SASH1: variants seen among roughly 807,000 people sequenced by gnomAD.
SASH1 encodes the protein SAM and SH3 domain containing 1.
In SASH1, 44 loss-of-function variants were observed where a neutral mutation model predicts 125.2. The ratio of observed to expected loss-of-function variants is 0.35; its 90% CI spans 0.28 to 0.45. SASH1 has a LOEUF of 0.45. Ranked by LOEUF, SASH1 falls within the 20% of genes least tolerant of loss-of-function variation. SASH1 has a pLI of 1.00. For missense variants in SASH1, 1,426 were observed against 1,614.5 expected (o/e 0.88, Z 2.00); for synonymous variants, 639 against 649.1 (o/e 0.98, Z 0.24).
intron 4 of SASH1, among the ~76,000 whole-genome samples, chr6:148,444,869 G>A (rs568742873): frequency 7.2e-5 from 11 of 152,296 alleles, no homozygotes; most frequent in African/African-American, 1.7e-4. Context: ...TGGGCTGCTC[G>A]ACTGAATAGA....
chr6:148,414,387 A>G (rs928322802), intron 2 of SASH1, among the ~76,000 whole-genome samples: 2 of 152,080 alleles, frequency 1.3e-5, no homozygotes, highest in Non-Finnish European at 2.9e-5. Context: ...GGAAGGTGGT[A>G]GACTGGGGTA....
intron 16 of SASH1, among the ~76,000 whole-genome samples, chr6:148,536,639 CA>C (rs1489536512): frequency 6.6e-6 from 1 of 152,240 alleles, no homozygotes; most frequent in African/African-American, 2.4e-5. Context: ...TGCATCCAAC[CA>C]ACAGCTGGTT....
At chr6:148,449,482 G>A (rs1776988681) in intron 4 of SASH1, among the ~76,000 whole-genome samples, 1 of 151,442 alleles carries the variant, frequency 6.6e-6, no homozygotes, top group African/African-American at 2.4e-5. Flanking sequence ...CCACCCATTG[G>A]GTTTAAGTGA....
chr6:148,360,637 C>CCCA (rs1782158230), intron 1 of SASH1, among the ~76,000 whole-genome samples: 1 of 18,822 alleles, frequency 5.3e-5, no homozygotes, highest in South Asian at 3.5e-3. Flanking sequence ...GCGTGAGCCA[C>CCCA]CCCCCCGCCA....
intron 8 of SASH1, chr6:148,512,547 A>G (rs1780208230): frequency 2.0e-6 from 2 of 985,318 alleles, no homozygotes; most frequent in South Asian, 9.4e-5. Context: ...ATTTCATCAC[A>G]TGTCAACAAT....
At position 148,525,275 on chromosome 6, in the gene SASH1, A is replaced by G; in HGVS notation, c.1210-16A>G. 1.2e-6 allele frequency: 2 copies of G among 1,612,148 alleles called. No individual in the cohort carries two copies. The highest frequency in any genetic ancestry group is 1.7e-6 in the Non-Finnish European group (2 of 1,178,262). On this transcript the variant is annotated splice_polypyrimidine_tract_variant and intron_variant, in intron 10 of 19. Coordinates refer to ENST00000367467, the MANE Select transcript of SASH1 (RefSeq NM_015278.5). Reference sequence around the variant, plus strand: ...AGCATAACTGAAGTTTTTCTGCCCTACCCTCTTTTCCACAGAGAACCTGCA... The same window carrying G: ...AGCATAACTGAAGTTTTTCTGCCCTGCCCTCTTTTCCACAGAGAACCTGCA...
intron 2 of SASH1, among the ~76,000 whole-genome samples, chr6:148,419,856 G>A (rs868279833): frequency 7.2e-5 from 11 of 152,282 alleles, no homozygotes; most frequent in Admixed American, 3.9e-4. Flanking sequence ...CACCCTGGTG[G>A]TATTTAGCTG....
At chr6:148,370,555 G>A (rs1396290884) in intron 1 of SASH1, among the ~76,000 whole-genome samples, 1 of 152,106 alleles carries the variant, frequency 6.6e-6, no homozygotes, top group Non-Finnish European at 1.5e-5. Context: ...CAGGTGCGGT[G>A]GCTCACGCCT....
chr6:148,291,751 G>T (rs1415529855), intron 1 of SASH1, among the ~76,000 whole-genome samples: 1 of 151,974 alleles, frequency 6.6e-6, no homozygotes, highest in Non-Finnish European at 1.5e-5. Context: ...AAGAAATGCT[G>T]TTTTAAGTCA....
intron 8 of SASH1, chr6:148,508,873 A>AG: frequency 1.6e-6 from 2 of 1,286,460 alleles, no homozygotes; most frequent in Non-Finnish European, 2.0e-6. Flanking sequence ...TAAATGCCGA[A>AG]GCCGGTAAGT....
chr6:148,330,975 T>C (rs575771692), intron 1 of SASH1, among the ~76,000 whole-genome samples: 3 of 152,310 alleles, frequency 2.0e-5, no homozygotes, highest in Admixed American at 1.3e-4. Flanking sequence ...TTTCCTTTTT[T>C]TCTTCTCCTA....
chr6:148,285,994 A>G (rs1582916887), intron 1 of SASH1, among the ~76,000 whole-genome samples: 2 of 152,294 alleles, frequency 1.3e-5, no homozygotes, highest in East Asian at 3.9e-4. Context: ...TAGTCAATGG[A>G]TGTTAACTTT....
At chr6:148,205,090 T>C in the SASH1 span, among the ~76,000 whole-genome samples, 1 of 152,214 alleles carries the variant, frequency 6.6e-6, no homozygotes, top group Non-Finnish European at 1.5e-5. Flanking sequence ...AGCAGTCATT[T>C]GTCTTTTCAG....
intron 1 of SASH1, among the ~76,000 whole-genome samples, chr6:148,276,630 G>C (rs1383256955): frequency 1.3e-5 from 2 of 152,214 alleles, no homozygotes; most frequent in African/African-American, 4.8e-5. Context: ...GCAGGTAGTA[G>C]CAAAGGGAGA....
intron 1 of SASH1, among the ~76,000 whole-genome samples, chr6:148,331,142 G>A (rs370825971): frequency 6.6e-6 from 1 of 152,180 alleles, no homozygotes. Flanking sequence ...TGATCCTCAT[G>A]GGCATCTGTA....
chr6:148,242,147 C>T, the SASH1 span, among the ~76,000 whole-genome samples: 7 of 152,174 alleles, frequency 4.6e-5, no homozygotes, highest in East Asian at 3.8e-4. Context: ...CAGTCTCTTG[C>T]TATTTACATG....
At chr6:148,341,416 G>A (rs1216868514), upstream of SASH1, among the ~76,000 whole-genome samples, 4 of 145,502 alleles carry the variant, frequency 2.7e-5, no homozygotes, top group Non-Finnish European at 5.9e-5. Context: ...CAAGTGATTC[G>A]CCCGCCTCAG....
chr6:148,231,723 C>T, the SASH1 span, among the ~76,000 whole-genome samples: 11 of 151,908 alleles, frequency 7.2e-5, no homozygotes, highest in Middle Eastern at 3.4e-3. Flanking sequence ...AGTATAAGGA[C>T]GACCTTTAAT....
upstream of SASH1, among the ~76,000 whole-genome samples, chr6:148,271,066 T>C (rs1384136937): frequency 1.3e-5 from 2 of 152,066 alleles, no homozygotes; most frequent in East Asian, 3.9e-4. Context: ...CCCGCCACCA[T>C]GTCCGGCTAA....
Sources: gnomAD v4.1 joint callset for allele counts (sites outside exome capture counted in the v4.1 genomes callset) on GRCh38, gnomAD v4.1.1 for gene constraint, MANE v1.5 for transcripts, NCBI Gene and HGNC (gene_info 2026-07-23, HGNC 2026-07-21) for gene names.